CDC42BPA: variants seen among roughly 807,000 people sequenced by gnomAD.
The protein encoded by CDC42BPA is CDC42 binding protein kinase alpha.
In CDC42BPA, 80 loss-of-function variants were observed where a neutral mutation model predicts 223.5. The observed-to-expected ratio is 0.36, with a 90% CI of 0.30 to 0.43. The LOEUF is 0.43. Among genes scored for constraint, CDC42BPA ranks in the 20% least tolerant of loss-of-function variants. The pLI is 1.00. For synonymous variants in CDC42BPA, 694 were observed against 718.6 expected, an observed-to-expected ratio of 0.97 and a Z score of 0.55; for missense variants, 1,743 against 2,099.9, an observed-to-expected ratio of 0.83 and a Z score of 3.32.
In CDC42BPA at chr1:227,216,653, G is replaced by A. The variant is rs1048164884; in HGVS notation, c.271-3434C>T. On this transcript the variant is annotated intron_variant, in intron 2 of 36. Coordinates refer to ENST00000366766, the MANE Select transcript of CDC42BPA (RefSeq NM_001394014.1). ...CATTTCAGTAGCTAAAAATCAAGAA[G>A]AGGAGGATTCTCTTAGAACTCTAAC... 3.2e-4 allele frequency among the ~76,000 whole-genome samples: 49 copies of A among 152,260 alleles called. 1 individual carries two copies. The highest frequency in any genetic ancestry group is 2.6e-3 in the Admixed American group (39 of 15,294).
At chr1:227,295,045 C>G (rs1478464353) in intron 1 of CDC42BPA, among the ~76,000 whole-genome samples, 1 of 151,546 alleles carries the variant, frequency 6.6e-6, no homozygotes, top group Admixed American at 6.6e-5. Flanking sequence ...TATGTTACAG[C>G]AGTGAAAATT....
chr1:227,278,007 C>A (rs1687406791), intron 1 of CDC42BPA, among the ~76,000 whole-genome samples: 1 of 152,216 alleles, frequency 6.6e-6, no homozygotes, highest in South Asian at 2.1e-4. Flanking sequence ...CCTCGGCCTT[C>A]CTAAGTGCTG....
chr1:227,225,702 G>C (rs372655826), intron 2 of CDC42BPA, among the ~76,000 whole-genome samples: 1 of 151,880 alleles, frequency 6.6e-6, no homozygotes, highest in Non-Finnish European at 1.5e-5. Context: ...TCTTTCTGCC[G>C]CAATTCTTTC....
intron 2 of CDC42BPA, among the ~76,000 whole-genome samples, chr1:227,225,640 T>C (rs1676724102): frequency 6.6e-6 from 1 of 152,258 alleles, no homozygotes; most frequent in South Asian, 2.1e-4. Context: ...CCCATTTTCA[T>C]AAACTCATTC....
intron 3 of CDC42BPA, among the ~76,000 whole-genome samples, chr1:227,212,045 T>C (rs1013636593): frequency 6.6e-6 from 1 of 152,124 alleles, no homozygotes; most frequent in Middle Eastern, 3.2e-3. Flanking sequence ...TTATTTGTTT[T>C]ACAGAGAATA....
rs572608856 is a variant in CDC42BPA, at chr1:226,994,633, T to C, written c.5133+190A>G. Among the ~76,000 whole-genome samples, 255 of 152,250 alleles carry C rather than the reference T, an allele frequency of 1.7e-3. 11 individuals carry two copies. In the South Asian group the frequency reaches 0.051, roughly 31 times the overall value. On this transcript the variant is annotated intron_variant, in intron 36 of 36. Transcript: ENST00000366766. This position sits in a 1 kb window ranked among gnomAD's most constrained non-coding sequence, Gnocchi z 4.0. ...TATTTTCACACAAAAGCCAGAAGTC[T>C]GAATGCCTCTGGGAAAACTGCAGTT...
chr1:227,043,452 AT>A (rs1671798789), intron 23 of CDC42BPA, among the ~76,000 whole-genome samples: 1 of 151,474 alleles, frequency 6.6e-6, no homozygotes, highest in Non-Finnish European at 1.5e-5. Context: ...TTTTAAAAAT[AT>A]TTTTTCTTCC....
At chr1:227,205,972 C>T (rs1163418686) in intron 3 of CDC42BPA, among the ~76,000 whole-genome samples, 1 of 152,114 alleles carries the variant, frequency 6.6e-6, no homozygotes, top group Non-Finnish European at 1.5e-5. Context: ...CCCTTGAGCC[C>T]AGGAGGCAGA....
intron 30 of CDC42BPA, 61 bp from the exon 31 acceptor site, chr1:227,026,213 T>A: frequency 1.1e-6 from 1 of 873,622 alleles, no homozygotes; most frequent in Non-Finnish European, 1.9e-6. Flanking sequence ...CCCCAAATAT[T>A]TTGAAAGGTC....
intron 34 of CDC42BPA, among the ~76,000 whole-genome samples, chr1:227,006,070 T>G (rs1010329186): frequency 1.3e-5 from 2 of 152,210 alleles, no homozygotes; most frequent in African/African-American, 4.8e-5. Flanking sequence ...GAAGACAAAT[T>G]ACATATACCA....
intron 1 of CDC42BPA, among the ~76,000 whole-genome samples, chr1:227,316,423 AACT>A (rs1694396374): frequency 6.6e-6 from 1 of 152,188 alleles, no homozygotes; most frequent in Non-Finnish European, 1.5e-5. Flanking sequence ...AACATTCTCT[AACT>A]ACTATCACAA....
intron 24 of CDC42BPA, among the ~76,000 whole-genome samples, 162 bp from the exon 25 acceptor site, chr1:227,035,769 C>T (rs1558339742): frequency 1.3e-5 from 2 of 151,614 alleles, no homozygotes; most frequent in African/African-American, 2.4e-5. Flanking sequence ...ATTTGCTTAC[C>T]AATGACAATT....
chr1:227,250,130 A>G (rs779574807), intron 2 of CDC42BPA, among the ~76,000 whole-genome samples: 2 of 152,200 alleles, frequency 1.3e-5, no homozygotes, highest in African/African-American at 2.4e-5. Flanking sequence ...TGCCTGTACC[A>G]AAATATCTCA....
chr1:227,126,877 T>TTC (rs1484277931), intron 11 of CDC42BPA, among the ~76,000 whole-genome samples: 2 of 152,208 alleles, frequency 1.3e-5, no homozygotes, highest in Non-Finnish European at 2.9e-5. Flanking sequence ...TAGAATGTTC[T>TTC]TCTCATCATT....
At chr1:227,076,566 T>C (rs980495890) in intron 17 of CDC42BPA, among the ~76,000 whole-genome samples, 8 of 152,204 alleles carry the variant, frequency 5.3e-5, no homozygotes, top group African/African-American at 1.9e-4. Context: ...CCCAACACTA[T>C]CTCTTGCTCC....
At position 227,256,938 on chromosome 1, in the gene CDC42BPA, T is replaced by C. The variant is rs568648726; in HGVS notation, c.179-2783A>G. On this transcript the variant is annotated intron_variant, in intron 1 of 36. Coordinates refer to ENST00000366766, the MANE Select transcript of CDC42BPA (RefSeq NM_001394014.1). ...ATGAACAGATAAACAAAATGTGATA[T>C]ATATATACAGACACACACACACACA... Among the ~76,000 whole-genome samples the C allele has an allele frequency of 1.8e-3, 213 of 120,082 alleles. 1 individual carries two copies. The highest frequency in any genetic ancestry group is 3.1e-3 in the Admixed American group (34 of 10,802). 78.8% of individuals were successfully genotyped at this position (120,082 alleles called of 152,430 possible).
chr1:227,009,895 AAAC>A (rs1664833152), intron 34 of CDC42BPA, among the ~76,000 whole-genome samples: 2 of 152,324 alleles, frequency 1.3e-5, no homozygotes, highest in Admixed American at 6.5e-5. Context: ...TTTATAATAC[AAAC>A]AACAAAAAAT....
At chr1:227,239,360 T>C (rs1181923189) in intron 2 of CDC42BPA, among the ~76,000 whole-genome samples, 3 of 152,108 alleles carry the variant, frequency 2.0e-5, no homozygotes, top group Non-Finnish European at 2.9e-5. Context: ...ATAACATACA[T>C]TTGTCAAAAC....
intron 5 of CDC42BPA, among the ~76,000 whole-genome samples, chr1:227,162,949 CAT>C (rs371395459): frequency 0.022 from 3,266 of 148,376 alleles, 49 homozygotes; most frequent in African/African-American, 0.033. Flanking sequence ...TGTTTCCAAA[CAT>C]ATATGTTTCC....
Sources: gnomAD v4.1 joint callset for allele counts (sites outside exome capture counted in the v4.1 genomes callset) on GRCh38, gnomAD v4.1.1 for gene constraint, Gnocchi (gnomAD v3.1) non-coding constraint, MANE v1.5 for transcripts, NCBI Gene and HGNC (gene_info 2026-07-23, HGNC 2026-07-21) for gene names.